LRP1B: variants seen among roughly 807,000 people sequenced by gnomAD.
LRP1B encodes LDL receptor related protein 1B, also known as low-density lipoprotein receptor-related protein 1B.
Under a neutral mutation model 556.6 loss-of-function variants are expected in LRP1B, and 217 were observed. The ratio of observed to expected loss-of-function variants is 0.39; its 90% CI spans 0.35 to 0.44. The LOEUF (loss-of-function observed/expected upper bound fraction) is 0.44, where lower values mean the gene tolerates loss of function less well. LRP1B is among the 20% of genes least tolerant of loss of function. LRP1B has a pLI of 1.00. For missense variants in LRP1B, 5,053 were observed against 5,620.8 expected (o/e 0.90, Z 3.23); for synonymous variants, 2,047 against 1,865.8 (o/e 1.10, Z -2.50).
chr2:140,803,219 T>TAAGCCCTG, intron 32 of LRP1B, among the ~76,000 whole-genome samples: 1 of 150,344 alleles, frequency 6.7e-6, no homozygotes, highest in South Asian at 2.1e-4. Context: ...CTTAAGCACT[T>TAAGCCCTG]AAGCCCTGAA....
intron 43 of LRP1B, among the ~76,000 whole-genome samples, chr2:140,592,974 A>G (rs62171949): frequency 0.15 from 22,722 of 151,884 alleles, 2,200 homozygotes; most frequent in South Asian, 0.28. Flanking sequence ...ACACATACAC[A>G]CAAAGTAGAA....
chr2:141,318,361 G>A (rs1216207243), intron 3 of LRP1B, among the ~76,000 whole-genome samples: 3 of 152,032 alleles, frequency 2.0e-5, no homozygotes, highest in African/African-American at 7.2e-5. Flanking sequence ...TTATTTGTAT[G>A]GATTAAAGAA....
At chr2:141,115,743 A>G (rs549718331) in intron 7 of LRP1B, among the ~76,000 whole-genome samples, 1 of 151,862 alleles carries the variant, frequency 6.6e-6, no homozygotes, top group African/African-American at 2.4e-5. Context: ...CGGACTCCCA[A>G]AGTGCTGGAA....
rs539213068 is a variant in LRP1B, at chr2:140,761,377, C to T, written c.5758+7836G>A. Among the ~76,000 whole-genome samples, 4 of 152,266 alleles carry T rather than the reference C, an allele frequency of 2.6e-5. 1 individual carries two copies. The South Asian group carries it at 8.3e-4, about 32-fold the overall frequency. On this transcript the variant is annotated intron_variant, in intron 35 of 90. Coordinates refer to ENST00000389484, the MANE Select transcript of LRP1B (RefSeq NM_018557.3). ...CAGCCCCTAATGTGGCCCCCTCTTA[C>T]CCCTACCACCTGGTATTCACTCCTT... is the stretch of plus-strand genomic sequence containing the variant.
intron 2 of LRP1B, among the ~76,000 whole-genome samples, chr2:141,736,567 G>A (rs1275050981): frequency 6.6e-6 from 1 of 151,980 alleles, no homozygotes; most frequent in Non-Finnish European, 1.5e-5. Context: ...GGTGTGCTTG[G>A]GGCTACCAGA....
At chr2:140,302,337 G>A (rs1683870026) in intron 83 of LRP1B, among the ~76,000 whole-genome samples, 1 of 152,110 alleles carries the variant, frequency 6.6e-6, no homozygotes, top group South Asian at 2.1e-4. Flanking sequence ...GATGTCTCTG[G>A]ACAGTTGGTA....
At chr2:140,347,623 C>T (rs1231918064) in intron 77 of LRP1B, among the ~76,000 whole-genome samples, 1 of 151,932 alleles carries the variant, frequency 6.6e-6, no homozygotes, top group African/African-American at 2.4e-5. Context: ...TTAGTATCTG[C>T]AAGTATGCTT....
chr2:142,022,456 C>T (rs972608228), intron 1 of LRP1B, among the ~76,000 whole-genome samples: 1 of 151,694 alleles, frequency 6.6e-6, no homozygotes, highest in Non-Finnish European at 1.5e-5. Flanking sequence ...TATTGTTGTT[C>T]ATGGCACATA....
intron 3 of LRP1B, among the ~76,000 whole-genome samples, chr2:141,445,953 G>A (rs907704976): frequency 6.6e-6 from 1 of 152,166 alleles, no homozygotes; most frequent in Admixed American, 6.5e-5. Context: ...CTGGAGCTGA[G>A]TTCAAGTCCT....
chr2:141,172,377 A>G (rs560521491), intron 7 of LRP1B, among the ~76,000 whole-genome samples: 27 of 152,106 alleles, frequency 1.8e-4, no homozygotes, highest in Non-Finnish European at 2.6e-4. Context: ...CTTTAATAAG[A>G]CCACTTTCCA....
rs1031064181 is a variant in LRP1B at position 140,232,972 on chromosome 2, G to T, written c.*214C>A. ...CAGCAGCATTGTTGTAAATTGTACT[G>T]TAGTGCAGTTCTTTTTCATAAAAAT... is the stretch of plus-strand genomic sequence containing the variant. On this transcript the variant is annotated 3_prime_UTR_variant, in exon 91 of 91. Transcript: ENST00000389484. 2 of 383,160 alleles carry T rather than the reference G, an allele frequency of 5.2e-6. No homozygotes were observed. The highest frequency in any genetic ancestry group is 4.2e-5 in the African/African-American group (2 of 47,732). 23.7% of individuals were successfully genotyped at this position (383,160 alleles called of 1,614,324 possible). A position where few individuals can be genotyped will look rare whatever the true frequency, so the allele number is the denominator to read the frequency against.
At chr2:140,334,213 T>C (rs1033541558) in intron 79 of LRP1B, among the ~76,000 whole-genome samples, 3 of 152,044 alleles carry the variant, frequency 2.0e-5, no homozygotes, top group Non-Finnish European at 4.4e-5. Flanking sequence ...ATCCGACTAA[T>C]AGCCTTACAA....
Position 141,058,837 on chromosome 2 carries a change from A to G in LRP1B, c.1408+46T>C, listed in dbSNP as rs1176607093. 6.1e-6 allele frequency: 9 copies of G among 1,480,806 alleles called. No individual in the cohort carries two copies. In the South Asian group the frequency reaches 8.3e-5, roughly 14 times the overall value. The allele number at this position is 1,480,806 out of a possible 1,614,324, so 91.7% of individuals were successfully genotyped here. A position where few individuals can be genotyped will look rare whatever the true frequency, so the allele number is the denominator to read the frequency against. On this transcript the variant is annotated intron_variant, in intron 9 of 90. Transcript: ENST00000389484. Reference sequence around the variant, plus strand: ...ACAAAAGCACAAGGACTATATCCCCATTCAATCTACCATTAGGAAGGTAAT... The same window carrying G: ...ACAAAAGCACAAGGACTATATCCCCGTTCAATCTACCATTAGGAAGGTAAT...
chr2:141,740,194 T>C (rs1319391052), intron 2 of LRP1B, among the ~76,000 whole-genome samples: 1 of 152,146 alleles, frequency 6.6e-6, no homozygotes, highest in African/African-American at 2.4e-5. Context: ...GTTATATTTT[T>C]ATTTCAATAA....
chr2:141,139,592 A>C (rs1450477381), intron 7 of LRP1B, among the ~76,000 whole-genome samples: 1 of 152,050 alleles, frequency 6.6e-6, no homozygotes, highest in Non-Finnish European at 1.5e-5. Context: ...CATGAAAAAA[A>C]ATTCAATATC....
At chr2:140,638,684 A>C (rs1413456774) in intron 41 of LRP1B, among the ~76,000 whole-genome samples, 1 of 152,138 alleles carries the variant, frequency 6.6e-6, no homozygotes, top group Non-Finnish European at 1.5e-5. Context: ...ACTGGAGATT[A>C]GGCTTGTGTC....
At chr2:142,112,426 GA>G (rs1198566231) in intron 1 of LRP1B, among the ~76,000 whole-genome samples, 1 of 151,576 alleles carries the variant, frequency 6.6e-6, no homozygotes, top group Non-Finnish European at 1.5e-5. Flanking sequence ...TAGTTAAAAG[GA>G]AAAAAATGTT....
At chr2:141,482,924 C>T (rs1306553834) in intron 2 of LRP1B, among the ~76,000 whole-genome samples, 1 of 147,144 alleles carries the variant, frequency 6.8e-6, no homozygotes, top group Non-Finnish European at 1.5e-5. Flanking sequence ...GCAGTTCTCA[C>T]AAGCAGCAAG....
rs138312083 is a variant in LRP1B, at chr2:140,538,179, T to C, written c.7514-1470A>G. 6.7e-3 allele frequency among the ~76,000 whole-genome samples: 1,023 copies of C among 152,262 alleles called. 8 individuals carry two copies. Among genetic ancestry groups the C allele is most frequent in the East Asian group, 0.034 (177 of 5,178 alleles). ...TTTATTTATTATTCCTAGAATTTAA[T>C]TAATTTAGTAGAGGGTCTATCTAAG... On this transcript the variant is annotated intron_variant, in intron 45 of 90. Coordinates refer to ENST00000389484, the MANE Select transcript of LRP1B (RefSeq NM_018557.3).
Sources: gnomAD v4.1 joint callset for allele counts (sites outside exome capture counted in the v4.1 genomes callset) on GRCh38, gnomAD v4.1.1 for gene constraint, MANE v1.5 for transcripts, NCBI Gene and HGNC (gene_info 2026-07-23, HGNC 2026-07-21) for gene names.